RAB10: variants seen among roughly 807,000 people sequenced by gnomAD.
The protein encoded by RAB10 is RAB10, member RAS oncogene family.
Under a neutral mutation model 25.7 loss-of-function variants are expected in RAB10, and 5 were observed. That is an observed-to-expected ratio of 0.19 (90% confidence interval 0.10 to 0.41). The LOEUF is 0.41. Ranked by LOEUF, RAB10 falls within the 10% of genes least tolerant of loss-of-function variation. The probability of loss-of-function intolerance (pLI) is 1.00; values close to 1 mark genes in which losing one functional copy is unlikely to be tolerated. For synonymous variants in RAB10, 89 were observed against 86.4 expected (o/e 1.03, Z -0.16); for missense variants, 103 against 245.8 (o/e 0.42, Z 3.89).
At chr2:26,066,449 C>G (rs1666513775) in intron 1 of RAB10, among the ~76,000 whole-genome samples, 1 of 152,126 alleles carries the variant, frequency 6.6e-6, no homozygotes, top group Non-Finnish European at 1.5e-5. Flanking sequence ...TTAGTCTGTT[C>G]TCATGCTGCT....
intron 1 of RAB10, among the ~76,000 whole-genome samples, chr2:26,046,008 T>C (rs1377503860): frequency 1.3e-5 from 2 of 152,168 alleles, no homozygotes; most frequent in Admixed American, 1.3e-4. Flanking sequence ...ATGAAATTAG[T>C]TCATTAAATT....
In RAB10 at chr2:26,104,737, AT is replaced by A. The variant is rs35749938; in HGVS notation, c.189-5013del. On this transcript the variant is annotated intron_variant, in intron 2 of 5. Coordinates refer to ENST00000264710, the MANE Select transcript of RAB10 (RefSeq NM_016131.5). ...TTAGGTCTTGATCTGTTTTGAGGTA[AT>A]TTTTTTTTTTTTTTTTTGAGATGGA... Among the ~76,000 whole-genome samples, 601 of 133,320 alleles carry A rather than the reference AT, an allele frequency of 4.5e-3. 1 individual carries two copies. Among genetic ancestry groups the A allele is most frequent in the African/African-American group, 9.0e-3 (323 of 35,902 alleles). 87.5% of individuals were successfully genotyped at this position (133,320 alleles called of 152,430 possible).
At chr2:26,077,478 C>T (rs1202830754) in intron 1 of RAB10, among the ~76,000 whole-genome samples, 1 of 152,172 alleles carries the variant, frequency 6.6e-6, no homozygotes, top group Admixed American at 6.5e-5. Context: ...GCGTAACAAA[C>T]AAGACTTTCT....
chr2:26,048,407 C>G (rs146631939), intron 1 of RAB10, among the ~76,000 whole-genome samples: 17 of 152,230 alleles, frequency 1.1e-4, no homozygotes, highest in Non-Finnish European at 2.4e-4. Context: ...TGTAGTCATT[C>G]TGATAAGTGT....
intron 1 of RAB10, among the ~76,000 whole-genome samples, chr2:26,049,615 G>T (rs926818009): frequency 3.3e-5 from 5 of 151,972 alleles, no homozygotes; most frequent in Admixed American, 2.0e-4. Flanking sequence ...TACCATGTTG[G>T]CCAGGCTGGT....
At chr2:26,057,620 T>TTTCATTCATTCATTCATTAATTCATTCA (rs1666296395) in intron 1 of RAB10, among the ~76,000 whole-genome samples, 1 of 149,076 alleles carries the variant, frequency 6.7e-6, no homozygotes, top group Non-Finnish European at 1.5e-5. Context: ...GGCAAGTTTC[T>TTTCATTCATTCATTCATTAATTCATTCA]TTCATTCATT....
chr2:26,131,030 CTT>C (rs36069349), intron 5 of RAB10, among the ~76,000 whole-genome samples: 4 of 110,248 alleles, frequency 3.6e-5, no homozygotes, highest in Non-Finnish European at 5.8e-5. Flanking sequence ...TCAGTCTTGG[CTT>C]TTTTTTTTTT....
chr2:26,076,463 A>G (rs1666736781), intron 1 of RAB10, among the ~76,000 whole-genome samples: 1 of 152,084 alleles, frequency 6.6e-6, no homozygotes, highest in Admixed American at 6.6e-5. Flanking sequence ...AGGCAGGATT[A>G]CTCTCAATGA....
intron 1 of RAB10, among the ~76,000 whole-genome samples, chr2:26,069,253 C>T (rs1341760966): frequency 2.6e-5 from 4 of 152,130 alleles, no homozygotes; most frequent in Non-Finnish European, 2.9e-5. Context: ...TGCATGTTTC[C>T]CACTAGTAAA....
At chr2:26,122,906 G>C (rs1490773593) in intron 3 of RAB10, among the ~76,000 whole-genome samples, 2 of 152,020 alleles carry the variant, frequency 1.3e-5, no homozygotes, top group African/African-American at 2.4e-5. Context: ...TGGCAGGGAG[G>C]GGGGCAGGCC....
intron 5 of RAB10, among the ~76,000 whole-genome samples, chr2:26,133,124 A>C (rs1442855983): frequency 6.6e-6 from 1 of 152,210 alleles, no homozygotes; most frequent in Non-Finnish European, 1.5e-5. Context: ...GTGTCACTTC[A>C]GTATGAGTTA....
At chr2:26,066,854 C>T (rs1232314625) in intron 1 of RAB10, among the ~76,000 whole-genome samples, 1 of 148,890 alleles carries the variant, frequency 6.7e-6, no homozygotes, top group African/African-American at 2.5e-5. Context: ...ACAATCTCGG[C>T]TCACTGCAGC....
intron 1 of RAB10, among the ~76,000 whole-genome samples, chr2:26,040,575 T>C (rs1167462028): frequency 6.6e-6 from 1 of 152,026 alleles, no homozygotes; most frequent in Non-Finnish European, 1.5e-5. Flanking sequence ...GGAGGATCAC[T>C]TGAGTCCAGG....
At chr2:26,126,968 C>T (rs1017050852) in intron 3 of RAB10, among the ~76,000 whole-genome samples, 176 bp from the exon 4 acceptor site, 1 of 152,148 alleles carries the variant, frequency 6.6e-6, no homozygotes, top group African/African-American at 2.4e-5. Context: ...GTTTCTTTTG[C>T]TAGGTAATCT....
intron 3 of RAB10, among the ~76,000 whole-genome samples, chr2:26,126,009 G>A (rs534736949): frequency 9.7e-4 from 148 of 152,148 alleles, no homozygotes; most frequent in Middle Eastern, 3.4e-3. Flanking sequence ...TGAGGTCTTT[G>A]ATCTAGTTCA....
intron 1 of RAB10, among the ~76,000 whole-genome samples, chr2:26,079,542 C>T (rs897424941): frequency 2.6e-5 from 4 of 152,042 alleles, no homozygotes; most frequent in African/African-American, 9.7e-5. Flanking sequence ...TATTTCCTCT[C>T]TCTGCTGGGA....
At chr2:26,034,795 C>A in intron 1 of RAB10, 60 bp downstream of exon 1, 1 of 1,593,210 alleles carries the variant, frequency 6.3e-7, no homozygotes, top group South Asian at 1.1e-5. Context: ...TATTTTACTC[C>A]AGACATCTTG....
intron 3 of RAB10, among the ~76,000 whole-genome samples, chr2:26,124,545 C>T (rs903753725): frequency 1.3e-5 from 2 of 151,582 alleles, no homozygotes; most frequent in Non-Finnish European, 1.5e-5. Flanking sequence ...GGATTACAGG[C>T]ATGAGCCCCC....
At chr2:26,111,266 A>G (rs1188111217) in intron 3 of RAB10, among the ~76,000 whole-genome samples, 1 of 152,210 alleles carries the variant, frequency 6.6e-6, no homozygotes, top group Non-Finnish European at 1.5e-5. Context: ...TTGCTACAAT[A>G]AATCTTTGGG....
Sources: gnomAD v4.1 joint callset for allele counts (sites outside exome capture counted in the v4.1 genomes callset) on GRCh38, gnomAD v4.1.1 for gene constraint, MANE v1.5 for transcripts, NCBI Gene and HGNC (gene_info 2026-07-23, HGNC 2026-07-21) for gene names.